Variants in SPAST observed in about 807,000 individuals in gnomAD.
The protein encoded by SPAST is spastin, also known as spastic paraplegia 4 (autosomal dominant; spastin).
SPAST carries 30 observed loss-of-function variants against 76.6 expected under a neutral mutation model. The ratio of observed to expected loss-of-function variants is 0.39; its 90% CI spans 0.29 to 0.53. The LOEUF is 0.53. Ranked by LOEUF, SPAST falls within the 20% of genes least tolerant of loss-of-function variation. The pLI is 0.68. For missense variants in SPAST, 717 were observed against 770.5 expected (o/e 0.93, Z 0.82); for synonymous variants, 305 against 281.0 (o/e 1.09, Z -0.86).
At chr2:32,101,132 G>C (rs1368986439) in intron 4 of SPAST, among the ~76,000 whole-genome samples, 2 of 152,140 alleles carry the variant, frequency 1.3e-5, no homozygotes, top group Non-Finnish European at 2.9e-5. Context: ...GTTGTTTCCT[G>C]AGTTTTTAAT....
At chr2:32,149,592 C>G (rs1680008913) in intron 16 of SPAST, among the ~76,000 whole-genome samples, 1 of 152,180 alleles carries the variant, frequency 6.6e-6, no homozygotes, top group Non-Finnish European at 1.5e-5. Context: ...ATTCAACCAA[C>G]TGCAGATCAA....
At chr2:32,076,461 ATCC>A (rs1413821722) in intron 1 of SPAST, among the ~76,000 whole-genome samples, 1 of 152,064 alleles carries the variant, frequency 6.6e-6, no homozygotes, top group African/African-American at 2.4e-5. Flanking sequence ...GCCTCAAGCA[ATCC>A]TCCTACCTCA....
At chr2:32,110,017 A>G (rs888200340) in intron 4 of SPAST, among the ~76,000 whole-genome samples, 6 of 148,482 alleles carry the variant, frequency 4.0e-5, no homozygotes, top group African/African-American at 1.5e-4. Flanking sequence ...ATAACTATGT[A>G]TATATAGCTG....
intron 1 of SPAST, among the ~76,000 whole-genome samples, chr2:32,085,957 G>T (rs956702739): frequency 3.3e-5 from 5 of 151,922 alleles, no homozygotes; most frequent in Non-Finnish European, 7.4e-5. Context: ...CAGGAGAATC[G>T]CTTGAACCAG....
At chr2:32,149,844 A>G (rs979963340) in intron 16 of SPAST, among the ~76,000 whole-genome samples, 1 of 152,130 alleles carries the variant, frequency 6.6e-6, no homozygotes, top group African/African-American at 2.4e-5. Context: ...TGGGGGAACC[A>G]ATTTCCGAGA....
rs1676464931 is a variant in SPAST, at chr2:32,065,293, CAGGCAT to C, written c.415+1048_415+1053del. Among the ~76,000 whole-genome samples the C allele has an allele frequency of 2.0e-5, 3 of 152,286 alleles. No individual in the cohort carries two copies. The South Asian group carries it at 6.2e-4, about 32-fold the overall frequency. The stretch of plus-strand genomic sequence containing the variant: ...TCGGCCTCCCAAAGTGCTGGTAATA[CAGGCAT>C]GAGCCACCGCGCCTGGCCTTAAGCT... On this transcript the variant is annotated intron_variant, in intron 1 of 16. Transcript: ENST00000315285.
intron 7 of SPAST, among the ~76,000 whole-genome samples, chr2:32,120,321 C>G (rs1254989852): frequency 6.6e-6 from 1 of 152,094 alleles, no homozygotes; most frequent in Non-Finnish European, 1.5e-5. Context: ...ATACCACACA[C>G]CTTCTACTCC....
chr2:32,094,222 T>C (rs1677835628), intron 3 of SPAST, among the ~76,000 whole-genome samples: 1 of 152,188 alleles, frequency 6.6e-6, no homozygotes, highest in African/African-American at 2.4e-5. Context: ...ATGTCACCTC[T>C]TTTTTCTTTT....
At chr2:32,128,642 T>C (rs920770004) in intron 9 of SPAST, 163 bp downstream of exon 9, 2 of 635,034 alleles carry the variant, frequency 3.1e-6, no homozygotes, top group Non-Finnish European at 5.6e-6. Flanking sequence ...TAGAAAGTTA[T>C]GTACATTTGT....
Position 32,126,965 on chromosome 2 carries a change from A to G in SPAST, c.1116A>G (p.Arg372=), listed in dbSNP as rs1425976342. ...TTTTTTAGTTGTTCACAGGGCTTAG[A>G]GCTCCTGCCAGAGGGCTGTTACTCT... ...SLRPELFTGL[R]APARGLLLFG... Residue 372 remains arginine, a synonymous_variant, in exon 8 of 17, where the codon AGA becomes AGG. Transcript: ENST00000315285. 1 of 1,611,344 alleles carries G rather than the reference A, an allele frequency of 6.2e-7. No individual in the cohort carries two copies. Among genetic ancestry groups the G allele is most frequent in the Non-Finnish European group, 8.5e-7 (1 of 1,177,632 alleles).
intron 1 of SPAST, among the ~76,000 whole-genome samples, chr2:32,071,536 A>G (rs1224764922): frequency 6.6e-6 from 1 of 152,220 alleles, no homozygotes; most frequent in African/African-American, 2.4e-5. Context: ...CCCAGTAGAT[A>G]CTAAGAACAT....
At chr2:32,071,758 A>G (rs1051485977) in intron 1 of SPAST, among the ~76,000 whole-genome samples, 1 of 152,174 alleles carries the variant, frequency 6.6e-6, no homozygotes, top group African/African-American at 2.4e-5. Flanking sequence ...CATAGAAGGG[A>G]GTGTCTGGTT....
intron 7 of SPAST, among the ~76,000 whole-genome samples, chr2:32,118,021 G>A (rs1019939010): frequency 6.6e-6 from 1 of 152,096 alleles, no homozygotes; most frequent in African/African-American, 2.4e-5. Flanking sequence ...AATTTTTCCA[G>A]TTCACAGATG....
At chr2:32,121,148 C>CT (rs1236743813) in intron 7 of SPAST, among the ~76,000 whole-genome samples, 1 of 151,706 alleles carries the variant, frequency 6.6e-6, no homozygotes, top group African/African-American at 2.4e-5. Flanking sequence ...ACATTTCTTT[C>CT]TTTTTTTAGG....
intron 1 of SPAST, among the ~76,000 whole-genome samples, chr2:32,086,779 TAAG>T (rs1206416629): frequency 6.6e-6 from 1 of 151,890 alleles, no homozygotes; most frequent in Non-Finnish European, 1.5e-5. Context: ...AAAAAAAGTC[TAAG>T]AAGTTAATTT....
At chr2:32,137,404 T>G (rs968675672) in intron 12 of SPAST, among the ~76,000 whole-genome samples, 3 of 152,214 alleles carry the variant, frequency 2.0e-5, no homozygotes, top group African/African-American at 7.2e-5. Context: ...AGTTACGGTT[T>G]TAGGCAAATT....
intron 7 of SPAST, among the ~76,000 whole-genome samples, chr2:32,121,384 G>A (rs986239966): frequency 9.2e-5 from 14 of 151,652 alleles, no homozygotes; most frequent in Non-Finnish European, 1.8e-4. Context: ...CAGGTGATCC[G>A]CCCTCCTCAG....
intron 10 of SPAST, 26 bp from the exon 11 acceptor site, chr2:32,136,851 A>C: frequency 1.9e-6 from 3 of 1,572,278 alleles, no homozygotes; most frequent in Non-Finnish European, 2.6e-6. Flanking sequence ...TCTTTAATTA[A>C]AGTCTTATAC....
In SPAST at chr2:32,126,722, T is replaced by G. The variant is rs766276621; in HGVS notation, c.1099-226T>G. The G allele has an allele frequency of 1.9e-5, 9 of 469,574 alleles. No homozygotes were observed. In the East Asian group the frequency reaches 2.2e-4, roughly 12 times the overall value. The allele number at this position is 469,574 out of a possible 1,614,324, so 29.1% of individuals were successfully genotyped here. On this transcript the variant is annotated intron_variant, in intron 7 of 16. Coordinates refer to ENST00000315285, the MANE Select transcript of SPAST (RefSeq NM_014946.4). Reference sequence around the variant, plus strand: ...AGCTGGTCTTGAACTCTTGGGCTCATGTAATCCTCCTGTCTTTGCCCCCTA... The same window carrying G: ...AGCTGGTCTTGAACTCTTGGGCTCAGGTAATCCTCCTGTCTTTGCCCCCTA...
Sources: gnomAD v4.1 joint callset for allele counts (sites outside exome capture counted in the v4.1 genomes callset) on GRCh38, gnomAD v4.1.1 for gene constraint, MANE v1.5 for transcripts, NCBI Gene and HGNC (gene_info 2026-07-23, HGNC 2026-07-21) for gene names.